The following MAML3 variants were observed in gnomAD, a reference collection of about 807,000 sequenced individuals.
MAML3 encodes mastermind-like protein 3.
Under a neutral mutation model 101.9 loss-of-function variants are expected in MAML3, and 27 were observed. That is an observed-to-expected ratio of 0.27 (90% confidence interval 0.20 to 0.37). MAML3 has a LOEUF of 0.37. Among genes scored for constraint, MAML3 ranks in the 10% least tolerant of loss-of-function variants. The probability of loss-of-function intolerance (pLI) is 1.00; values close to 1 mark genes in which losing one functional copy is unlikely to be tolerated. For synonymous variants in MAML3, 501 were observed against 555.9 expected (o/e 0.90, Z 1.39); for missense variants, 1,316 against 1,444.9 (o/e 0.91, Z 1.45).
chr4:139,972,762 A>G (rs1734253964), intron 1 of MAML3, among the ~76,000 whole-genome samples: 1 of 152,238 alleles, frequency 6.6e-6, no homozygotes, highest in Non-Finnish European at 1.5e-5. Context: ...TTAAATTGTG[A>G]ATTCTGACGA....
chr4:140,131,503 G>T (rs559377506), intron 1 of MAML3, among the ~76,000 whole-genome samples: 4 of 152,328 alleles, frequency 2.6e-5, no homozygotes, highest in South Asian at 2.1e-4. Context: ...GCTTTAGAAG[G>T]TAACAAGCCA....
chr4:140,068,480 A>G (rs1373732558), intron 1 of MAML3, among the ~76,000 whole-genome samples: 2 of 152,152 alleles, frequency 1.3e-5, no homozygotes, highest in African/African-American at 4.8e-5. Context: ...CACTTTTCAG[A>G]CTGATTGAGT....
At chr4:139,771,281 A>G (rs1310492759) in intron 2 of MAML3, among the ~76,000 whole-genome samples, 2 of 152,212 alleles carry the variant, frequency 1.3e-5, no homozygotes, top group African/African-American at 4.8e-5. Context: ...CATGTCTTAG[A>G]ACTTTCCTAA....
chr4:139,956,700 C>T (rs1357190805), intron 1 of MAML3, among the ~76,000 whole-genome samples: 3 of 152,150 alleles, frequency 2.0e-5, no homozygotes, highest in African/African-American at 2.4e-5. Context: ...CAGGAGAGGT[C>T]GTACCAATCT....
At chr4:139,755,307 A>G (rs917307655) in intron 2 of MAML3, among the ~76,000 whole-genome samples, 1 of 152,236 alleles carries the variant, frequency 6.6e-6, no homozygotes, top group African/African-American at 2.4e-5. Context: ...ATGTGGATTT[A>G]AGAAAACTGT....
At chr4:140,017,368 A>T (rs756960803) in intron 1 of MAML3, among the ~76,000 whole-genome samples, 122 of 152,322 alleles carry the variant, frequency 8.0e-4, no homozygotes, top group Non-Finnish European at 3.2e-4. Flanking sequence ...AAAATAATAC[A>T]GCCCCTGTTG....
chr4:139,825,081 G>A (rs913289357), intron 2 of MAML3, among the ~76,000 whole-genome samples: 2 of 152,058 alleles, frequency 1.3e-5, no homozygotes, highest in Admixed American at 1.3e-4. Flanking sequence ...TTTTGGTGTC[G>A]GCTTATCAAA....
chr4:140,006,313 C>T (rs990345397), intron 1 of MAML3, among the ~76,000 whole-genome samples: 3 of 151,974 alleles, frequency 2.0e-5, no homozygotes, highest in African/African-American at 2.4e-5. Flanking sequence ...AGGCCGGGTG[C>T]GGTTGCTCAC....
At chr4:140,089,912 C>T (rs1003191828) in intron 1 of MAML3, among the ~76,000 whole-genome samples, 1 of 152,278 alleles carries the variant, frequency 6.6e-6, no homozygotes, top group African/African-American at 2.4e-5. Context: ...CATGAGCCAC[C>T]GCACCCTACC....
intron 1 of MAML3, among the ~76,000 whole-genome samples, chr4:139,999,871 T>G (rs961822648): frequency 2.0e-5 from 3 of 152,200 alleles, no homozygotes; most frequent in African/African-American, 4.8e-5. Flanking sequence ...CATTAAGAAC[T>G]CAGTAAATGA....
At position 139,810,120 on chromosome 4, in the gene MAML3, T is replaced by C. The variant is rs112872510; in HGVS notation, c.2079+79237A>G. 8.8e-3 allele frequency among the ~76,000 whole-genome samples: 1,341 copies of C among 152,122 alleles called. 7 individuals are homozygous for C. The highest frequency in any genetic ancestry group is 0.014 in the Non-Finnish European group (974 of 68,006). ...AAAATACATTTTTTTTGACTTGTGA[T>C]TTCCAAATTTCATTTTTCCTAATGC... On this transcript the variant is annotated intron_variant, in intron 2 of 4. Coordinates refer to ENST00000509479, the MANE Select transcript of MAML3 (RefSeq NM_018717.5).
chr4:140,062,257 CT>C (rs931031154), intron 1 of MAML3, among the ~76,000 whole-genome samples: 2 of 152,112 alleles, frequency 1.3e-5, no homozygotes, highest in Non-Finnish European at 2.9e-5. Context: ...CAAAATTAAA[CT>C]TTTTTCTTGA....
intron 1 of MAML3, among the ~76,000 whole-genome samples, chr4:140,039,011 C>T (rs975986808): frequency 6.6e-6 from 1 of 151,874 alleles, no homozygotes; most frequent in African/African-American, 2.4e-5. Flanking sequence ...CCCAGCTACT[C>T]GGGAGGATGA....
intron 1 of MAML3, among the ~76,000 whole-genome samples, chr4:140,052,535 CT>C (rs397878543): frequency 0.19 from 26,115 of 136,000 alleles, 2,136 homozygotes; most frequent in Middle Eastern, 0.24. Flanking sequence ...CCATATATTT[CT>C]TTTTTTTTTT....
At chr4:139,860,315 C>A (rs1293456278) in intron 2 of MAML3, among the ~76,000 whole-genome samples, 1 of 152,224 alleles carries the variant, frequency 6.6e-6, no homozygotes, top group African/African-American at 2.4e-5. Flanking sequence ...TCCCAGAAAG[C>A]CCTTGAGAGA....
intron 2 of MAML3, among the ~76,000 whole-genome samples, chr4:139,863,832 G>GTTTTTTTTTTGTTTTTTTTT (rs1731835092): frequency 9.0e-6 from 1 of 111,256 alleles, no homozygotes; most frequent in African/African-American, 2.9e-5. Flanking sequence ...CAGAACATGG[G>GTTTTTTTTTTGTTTTTTTTT]TTTTTTTTTT....
At chr4:139,949,465 A>G (rs142842100) in intron 1 of MAML3, among the ~76,000 whole-genome samples, 45 of 152,368 alleles carry the variant, frequency 3.0e-4, no homozygotes, top group African/African-American at 9.9e-4. Flanking sequence ...AATGCCCATT[A>G]GATCAGAGAT....
intron 1 of MAML3, among the ~76,000 whole-genome samples, chr4:139,989,850 AACACAC>A (rs71593737): frequency 2.4e-5 from 3 of 122,872 alleles, no homozygotes; most frequent in Admixed American, 1.6e-4. Flanking sequence ...CACACAAACA[AACACAC>A]ACACACACAC....
chr4:139,998,596 T>G (rs1734863903), intron 1 of MAML3, among the ~76,000 whole-genome samples: 1 of 152,212 alleles, frequency 6.6e-6, no homozygotes, highest in Non-Finnish European at 1.5e-5. Context: ...CAGATTCTAT[T>G]GACTTCTCTT....
Sources: gnomAD v4.1 joint callset for allele counts (sites outside exome capture counted in the v4.1 genomes callset) on GRCh38, gnomAD v4.1.1 for gene constraint, MANE v1.5 for transcripts, NCBI Gene and HGNC (gene_info 2026-07-23, HGNC 2026-07-21) for gene names.